Variants in NRP2 observed in about 807,000 individuals in gnomAD.
NRP2 encodes the protein neuropilin-2.
Under a neutral mutation model 110.4 loss-of-function variants are expected in NRP2, and 52 were observed. The ratio of observed to expected loss-of-function variants is 0.47; its 90% confidence interval spans 0.38 to 0.59. The LOEUF (loss-of-function observed/expected upper bound fraction) is 0.59, where lower values mean the gene tolerates loss of function less well. Ranked by LOEUF, NRP2 falls within the 20% of genes least tolerant of loss-of-function variation. The pLI, the probability that NRP2 is intolerant of heterozygous loss-of-function variation, is 0.00. For missense variants in NRP2, 1,049 were observed against 1,203.0 expected (o/e 0.87, Z 1.89); for synonymous variants, 508 against 468.9 (o/e 1.08, Z -1.08).
intron 1 of NRP2, among the ~76,000 whole-genome samples, chr2:205,694,632 T>C (rs1051781842): frequency 6.6e-6 from 1 of 152,242 alleles, no homozygotes; most frequent in Non-Finnish European, 1.5e-5. Flanking sequence ...TTGGCTTAGC[T>C]TGACTCCTCT....
intron 9 of NRP2, among the ~76,000 whole-genome samples, chr2:205,744,961 A>C (rs541822806): frequency 1.0e-3 from 154 of 152,300 alleles, no homozygotes; most frequent in Non-Finnish European, 1.6e-3. Flanking sequence ...CTTCTGGTTC[A>C]GAATTGTGGA....
At chr2:205,767,581 A>T in intron 15 of NRP2, 2 of 284,024 alleles carry the variant, frequency 7.0e-6, no homozygotes, top group Admixed American at 4.8e-5. Context: ...CAGGTTATAA[A>T]AAAAAAAAAA....
At chr2:205,769,846 AAGT>A (rs201315874) in intron 15 of NRP2, among the ~76,000 whole-genome samples, 2 of 152,304 alleles carry the variant, frequency 1.3e-5, no homozygotes, top group East Asian at 3.9e-4. Flanking sequence ...AAGAACCGAA[AAGT>A]GGTGTAATTA....
chr2:205,795,183 G>A lies in NRP2; in HGVS notation c.*125G>A. 1.0e-6 allele frequency: 1 copy of A among 992,370 alleles called. No individual in the cohort carries two copies. Among genetic ancestry groups the A allele is most frequent in the Non-Finnish European group, 1.5e-6 (1 of 650,006 alleles). 61.5% of individuals were successfully genotyped at this position (992,370 alleles called of 1,614,324 possible). On this transcript the variant is annotated 3_prime_UTR_variant, in exon 17 of 17. Coordinates refer to ENST00000357785, the MANE Select transcript of NRP2 (RefSeq NM_003872.3). ...ATCAAACCGATCCAGAATACCGAAGGTATGGACAGGACAGAAAAGCGAGTC... is the reference window on the plus strand; with the variant it reads ...ATCAAACCGATCCAGAATACCGAAGATATGGACAGGACAGAAAAGCGAGTC...
chr2:205,783,108 C>T (rs2058195696), intron 15 of NRP2, among the ~76,000 whole-genome samples: 1 of 152,154 alleles, frequency 6.6e-6, no homozygotes, highest in Non-Finnish European at 1.5e-5. Flanking sequence ...GATCTCTATG[C>T]CTATCTCTCT....
At chr2:205,740,479 CAG>C in intron 7 of NRP2, 38 bp from the exon 8 acceptor site, 2 of 1,613,020 alleles carry the variant, frequency 1.2e-6, no homozygotes, top group Non-Finnish European at 1.7e-6. Context: ...GAACTACAAA[CAG>C]GGGTTTCAAT....
intron 15 of NRP2, among the ~76,000 whole-genome samples, chr2:205,774,971 C>T (rs1191354654): frequency 1.3e-5 from 2 of 152,080 alleles, no homozygotes; most frequent in East Asian, 1.9e-4. Flanking sequence ...AAATGAGCCC[C>T]GTTTGCATCT....
chr2:205,749,980 A>T (rs1342940654), intron 11 of NRP2, 139 bp downstream of exon 11: 1 of 730,556 alleles, frequency 1.4e-6, no homozygotes, highest in Non-Finnish European at 2.4e-6. Context: ...AGGTGGGGGC[A>T]CTTAGGGGTT....
At chr2:205,770,271 G>A (rs2058000461) in intron 15 of NRP2, among the ~76,000 whole-genome samples, 1 of 152,118 alleles carries the variant, frequency 6.6e-6, no homozygotes, top group Non-Finnish European at 1.5e-5. Flanking sequence ...CCATTTCTCG[G>A]GTCTCCCTAG....
intron 7 of NRP2, among the ~76,000 whole-genome samples, chr2:205,730,151 G>A (rs1228535273): frequency 6.6e-6 from 1 of 152,152 alleles, no homozygotes; most frequent in Non-Finnish European, 1.5e-5. Context: ...GGACGCCCAG[G>A]GGCTTTCCTT....
intron 15 of NRP2, among the ~76,000 whole-genome samples, chr2:205,771,207 C>T (rs888029056): frequency 1.3e-5 from 2 of 152,114 alleles, no homozygotes; most frequent in African/African-American, 4.8e-5. Context: ...TTACTGAAAA[C>T]ATCCCGGCGC....
intron 15 of NRP2, among the ~76,000 whole-genome samples, chr2:205,774,343 G>A (rs1421532780): frequency 6.6e-6 from 1 of 152,172 alleles, no homozygotes; most frequent in Non-Finnish European, 1.5e-5. Flanking sequence ...AATGAAACTA[G>A]TAAAAGACAG....
chr2:205,695,833 A>C (rs572973426), intron 1 of NRP2, among the ~76,000 whole-genome samples: 3 of 152,170 alleles, frequency 2.0e-5, no homozygotes, highest in Non-Finnish European at 2.9e-5. Flanking sequence ...TTAGGTTCCC[A>C]GCATGGGTGA....
chr2:205,744,976 G>A (rs2057511497), intron 9 of NRP2, among the ~76,000 whole-genome samples: 1 of 152,190 alleles, frequency 6.6e-6, no homozygotes, highest in Non-Finnish European at 1.5e-5. Context: ...TGTGGACGCA[G>A]GGCATCCTGA....
At chr2:205,745,264 G>A (rs3771021) in intron 9 of NRP2, among the ~76,000 whole-genome samples, 55,598 of 152,098 alleles carry the variant, frequency 0.37, 11,299 homozygotes, top group Admixed American at 0.46. Flanking sequence ...TCATTTTCCC[G>A]TAAGGTTCTC....
chr2:205,697,999 G>A (rs1254292476), intron 2 of NRP2: 1 of 477,178 alleles, frequency 2.1e-6, no homozygotes, highest in Middle Eastern at 5.8e-4. Context: ...TTTCCATGTG[G>A]TGGCAGGGGC....
intron 15 of NRP2, among the ~76,000 whole-genome samples, chr2:205,783,119 T>G (rs761184875): frequency 3.5e-4 from 54 of 152,236 alleles, no homozygotes; most frequent in Admixed American, 3.4e-3. Flanking sequence ...CTATCTCTCT[T>G]TCTCTACAGT....
chr2:205,732,760 C>A (rs2105841456), intron 7 of NRP2, among the ~76,000 whole-genome samples: 1 of 152,338 alleles, frequency 6.6e-6, no homozygotes, highest in Non-Finnish European at 1.5e-5. Flanking sequence ...TTCCCTGCAT[C>A]TGATGGGGCC....
chr2:205,780,621 T>TGAAA (rs2058163168), intron 15 of NRP2, among the ~76,000 whole-genome samples: 1 of 152,168 alleles, frequency 6.6e-6, no homozygotes, highest in African/African-American at 2.4e-5. Context: ...ATCAGAGGCC[T>TGAAA]TCTGACAACC....
Sources: allele counts gnomAD v4.1 joint callset (sites outside exome capture counted in the v4.1 genomes callset), GRCh38; gene constraint gnomAD v4.1.1; transcripts MANE v1.5; gene names NCBI Gene and HGNC (gene_info 2026-07-23, HGNC 2026-07-21).